AFAP1L1: variants seen among roughly 807,000 people sequenced by gnomAD.
The protein encoded by AFAP1L1 is actin filament-associated protein 1-like 1.
A neutral mutation model predicts 99.8 loss-of-function variants in AFAP1L1; 77 were observed. That is an observed-to-expected ratio of 0.77 (90% CI 0.64 to 0.93). The LOEUF (loss-of-function observed/expected upper bound fraction) is 0.93. Ranked by LOEUF, AFAP1L1 falls within the 40% of genes least tolerant of loss-of-function variation. The pLI, the probability that AFAP1L1 is intolerant of heterozygous loss-of-function variation, is 0.00. For missense variants in AFAP1L1, 893 were observed against 996.8 expected (o/e 0.90, Z 1.40); for synonymous variants, 373 against 395.3 (o/e 0.94, Z 0.67).
At chr5:149,309,923 A>C (rs1756562922) in intron 7 of AFAP1L1, 33 bp from the exon 8 acceptor site, 1 of 1,614,004 alleles carries the variant, frequency 6.2e-7, no homozygotes, top group Non-Finnish European at 8.5e-7. Flanking sequence ...CCTCTACTTC[A>C]GAAGATCCTG....
intron 1 of AFAP1L1, 103 bp downstream of exon 1, chr5:149,272,087 G>T (rs1755131406): frequency 8.7e-7 from 1 of 1,148,894 alleles, no homozygotes; most frequent in South Asian, 4.4e-5. Context: ...CGGGCGGTGG[G>T]GCGGGGGCTG....
chr5:149,279,726 A>T (rs1160007702), intron 1 of AFAP1L1, among the ~76,000 whole-genome samples: 2 of 151,808 alleles, frequency 1.3e-5, no homozygotes, highest in East Asian at 1.9e-4. Context: ...CTCGCTTTGG[A>T]CCCCCACCTA....
rs1184302710 is a variant in AFAP1L1 at position 149,317,843 on chromosome 5, T to C, written c.1382T>C (p.Ile461Thr). The C allele has an allele frequency of 6.2e-7, 1 of 1,610,788 alleles. No homozygotes were observed. Among genetic ancestry groups the C allele is most frequent in the South Asian group, 1.1e-5 (1 of 90,124 alleles). ...HMDLRTHVNA[I>T]ALQGCEVAPG... ...GACCTGCGAACCCATGTGAACGCCA[T>C]CGCCCTGCAAGGCTGTGAGGTGGCC... is the stretch of plus-strand genomic sequence containing the variant. The change falls in exon 12 of 19, where the codon ATC becomes ACC. Residue 461 changes from isoleucine (I) to threonine (T), a missense_variant. Transcript: ENST00000296721.
chr5:149,302,266 C>A, intron 4 of AFAP1L1, 152 bp from the exon 5 acceptor site: 1 of 530,358 alleles, frequency 1.9e-6, no homozygotes, highest in South Asian at 3.4e-5. Flanking sequence ...TAAATATGCC[C>A]TCGAGTTTTA....
At chr5:149,302,377 C>T (rs1308358945) in intron 4 of AFAP1L1, 41 bp from the exon 5 acceptor site, 1 of 1,489,298 alleles carries the variant, frequency 6.7e-7, no homozygotes, top group Non-Finnish European at 9.1e-7. Flanking sequence ...CTCTCCCTAC[C>T]CTGCTCCGCT....
intron 7 of AFAP1L1, among the ~76,000 whole-genome samples, chr5:149,308,314 A>G (rs1182021022): frequency 3.3e-5 from 5 of 152,238 alleles, no homozygotes; most frequent in African/African-American, 1.2e-4. Context: ...TTAAAAAACT[A>G]TTGACCAAAC....
intron 2 of AFAP1L1, among the ~76,000 whole-genome samples, chr5:149,299,853 C>T (rs996889886): frequency 1.2e-4 from 19 of 152,088 alleles, no homozygotes; most frequent in African/African-American, 4.6e-4. Context: ...TCCCCACCGA[C>T]AGCCCTGGCT....
At position 149,300,350 on chromosome 5, in the gene AFAP1L1, A is replaced by C; in HGVS notation, c.225A>C (p.Glu75Asp). 6.2e-7 allele frequency: 1 copy of C among 1,612,746 alleles called. No individual in the cohort carries two copies. The highest frequency in any genetic ancestry group is 2.2e-5 in the East Asian group (1 of 44,838). The change falls in exon 3 of 19, where the codon GAA becomes GAC. Residue 75 changes from glutamate to aspartate, a missense_variant. Transcript: ENST00000296721. ...GCTTCGTGGAATCCCTCTTTGAAGA[A>C]TTTGGTAAGTGACCCTCTCCCAACC... ...GPSFVESLFE[E>D]FDCDLSDLRD...
chr5:149,315,020 T>C (rs1756753600), intron 9 of AFAP1L1, among the ~76,000 whole-genome samples: 1 of 152,112 alleles, frequency 6.6e-6, no homozygotes. Context: ...AACCCAGCCT[T>C]GGGGAGACAG....
intron 14 of AFAP1L1, among the ~76,000 whole-genome samples, chr5:149,321,596 G>A (rs960957696): frequency 2.0e-5 from 3 of 151,186 alleles, no homozygotes; most frequent in African/African-American, 7.3e-5. Flanking sequence ...AGGCACAGTG[G>A]CATGTGCCTA....
At position 149,319,659 on chromosome 5, in the gene AFAP1L1, G is replaced by A. The variant is rs757477522; in HGVS notation, c.1557G>A (p.Ala519=). Residue 519 remains alanine, a synonymous_variant, in exon 13 of 19, where the codon GCG becomes GCA. Coordinates refer to ENST00000296721, the MANE Select transcript of AFAP1L1 (RefSeq NM_152406.4). ...VEMGSRVTPE[A]LHYDYVDVET... ...TGGGCTCCAGAGTCACTCCGGAGGC[G>A]CTGCACTATGACTACGTGGATGTGG... 1.2e-5 allele frequency: 20 copies of A among 1,612,762 alleles called. No homozygotes were observed. Among genetic ancestry groups the A allele is most frequent in the African/African-American group, 4.0e-5 (3 of 74,864 alleles).
At chr5:149,279,623 C>T (rs995510742) in intron 1 of AFAP1L1, among the ~76,000 whole-genome samples, 17 of 152,164 alleles carry the variant, frequency 1.1e-4, no homozygotes, top group Admixed American at 7.2e-4. Context: ...TATGCTTAAA[C>T]CCTTCAGTGG....
chr5:149,332,496 A>G (rs1479109060), intron 16 of AFAP1L1, among the ~76,000 whole-genome samples, 199 bp from the exon 17 acceptor site: 1 of 152,170 alleles, frequency 6.6e-6, no homozygotes, highest in Admixed American at 6.5e-5. Context: ...CATATGAAGA[A>G]CATAATGAGA....
chr5:149,337,009 C>T (rs1352510969), intron 18 of AFAP1L1, among the ~76,000 whole-genome samples: 3 of 152,202 alleles, frequency 2.0e-5, no homozygotes, highest in Non-Finnish European at 4.4e-5. Context: ...ATAGAAGGAC[C>T]TAAATTCCAA....
chr5:149,340,522 G>A lies in AFAP1L1; in HGVS notation c.*492G>A, dbSNP rs1757532719. On this transcript the variant is annotated 3_prime_UTR_variant, in exon 19 of 19. Coordinates refer to ENST00000296721, the MANE Select transcript of AFAP1L1 (RefSeq NM_152406.4). ...ATATTGGGCATTACTAACAACCCCT[G>A]GTCAAGGTAAATAGGTTGAACAATC... The A allele has an allele frequency of 6.4e-6, 1 of 156,682 alleles. No individual in the cohort carries two copies. Among genetic ancestry groups the A allele is most frequent in the African/African-American group, 2.4e-5 (1 of 41,566 alleles). The allele number at this position is 156,682 out of a possible 1,614,324, so 9.7% of individuals were successfully genotyped here. A position where few individuals can be genotyped will look rare whatever the true frequency, so the allele number is the denominator to read the frequency against.
At chr5:149,287,319 A>G (rs1204363598) in intron 1 of AFAP1L1, among the ~76,000 whole-genome samples, 1 of 152,198 alleles carries the variant, frequency 6.6e-6, no homozygotes, top group African/African-American at 2.4e-5. Context: ...GAAAGCAAGG[A>G]CATGGTGAAC....
At chr5:149,326,076 CAG>C (rs749490278) in intron 15 of AFAP1L1, among the ~76,000 whole-genome samples, 16 of 152,160 alleles carry the variant, frequency 1.1e-4, no homozygotes, top group East Asian at 3.8e-4. Context: ...GCCATAAGAA[CAG>C]AGAACTCCAA....
Position 149,315,828 on chromosome 5 carries a change from C to A in AFAP1L1, c.1028C>A (p.Ser343Tyr). The A allele has an allele frequency of 1.2e-6, 2 of 1,614,090 alleles. No homozygotes were observed. The highest frequency in any genetic ancestry group is 1.7e-6 in the Non-Finnish European group (2 of 1,179,996). The change falls in exon 10 of 19, where the codon TCC becomes TAC. Residue 343 changes from serine to tyrosine, a missense_variant. Transcript: ENST00000296721. Reference sequence around the variant, plus strand: ...GCCTGTGTCCCTCCTCAGAGGCTGTCCCAAGAGAAGCAGACCTCAGATTCT... The same window carrying A: ...GCCTGTGTCCCTCCTCAGAGGCTGTACCAAGAGAAGCAGACCTCAGATTCT... ...LCKLDLDKRL[S>Y]QEKQTSDSDS...
At chr5:149,327,177 A>G (rs1306360196) in intron 15 of AFAP1L1, among the ~76,000 whole-genome samples, 1 of 145,776 alleles carries the variant, frequency 6.9e-6, no homozygotes, top group Non-Finnish European at 1.5e-5. Flanking sequence ...AAATATATTT[A>G]AAGAACTTAA....
Sources: allele counts gnomAD v4.1 joint callset (sites outside exome capture counted in the v4.1 genomes callset), GRCh38; gene constraint gnomAD v4.1.1; transcripts MANE v1.5; gene names NCBI Gene and HGNC (gene_info 2026-07-23, HGNC 2026-07-21).